KREMEN1: variants seen among roughly 807,000 people sequenced by gnomAD.
KREMEN1 encodes kremen protein 1.
In KREMEN1, 30 loss-of-function variants were observed where a neutral mutation model predicts 46.5. The ratio of observed to expected loss-of-function variants is 0.65; its 90% confidence interval spans 0.48 to 0.88. KREMEN1 has a LOEUF of 0.88. Among genes scored for constraint, KREMEN1 ranks in the 40% least tolerant of loss-of-function variants. The pLI, the probability that KREMEN1 is intolerant of heterozygous loss-of-function variation, is 0.00. For synonymous variants in KREMEN1, 214 were observed against 230.6 expected, an observed-to-expected ratio of 0.93 and a Z score of 0.65; for missense variants, 533 against 596.9, an observed-to-expected ratio of 0.89 and a Z score of 1.11.
At chr22:29,165,447 A>G (rs1279355817) in intron 9 of KREMEN1, among the ~76,000 whole-genome samples, 3 of 151,966 alleles carry the variant, frequency 2.0e-5, no homozygotes, top group African/African-American at 4.8e-5. Context: ...CATTTTCACA[A>G]CATCCAATTG....
chr22:29,137,557 C>T lies in KREMEN1; in HGVS notation c.847C>T (p.Arg283Cys), dbSNP rs764867793. ...LDGYTHRVLA[R>C]FHGRSRPPLS... Reference sequence around the variant, plus strand: ...TGGCTACACCCACCGTGTCCTAGCCCGCTTCCACGGGAGGAGCCGCCCACC... The same window carrying T: ...TGGCTACACCCACCGTGTCCTAGCCTGCTTCCACGGGAGGAGCCGCCCACC... Residue 283 changes from arginine (R) to cysteine (C), a missense_variant, in exon 6 of 9, where the codon CGC (arginine) becomes TGC (cysteine). Arg to Cys is a radical substitution (Grantham distance 180, BLOSUM62 -3). Coordinates refer to ENST00000400335, the MANE Select transcript of KREMEN1 (RefSeq NM_001039570.3). 6.8e-6 allele frequency: 11 copies of T among 1,613,738 alleles called. No individual in the cohort carries two copies. Among genetic ancestry groups the T allele is most frequent in the African/African-American group, 2.7e-5 (2 of 74,928 alleles).
Position 29,085,386 on chromosome 22 carries a change from C to T in KREMEN1, c.98-8872C>T, listed in dbSNP as rs955457279. ...ACCAATTTCAGATATGTCACCTCAT[C>T]TGTAAACATTTTAGTATGTATCTCT... On this transcript the variant is annotated intron_variant, in intron 1 of 8. Transcript: ENST00000400335. Among the ~76,000 whole-genome samples, 3 of 152,098 alleles carry T rather than the reference C, an allele frequency of 2.0e-5. No homozygotes were observed. In the East Asian group the frequency reaches 5.8e-4, roughly 29 times the overall value.
At chr22:29,094,528 A>T (rs900434862) in intron 2 of KREMEN1, 108 bp downstream of exon 2, 1 of 856,526 alleles carries the variant, frequency 1.2e-6, no homozygotes, top group Non-Finnish European at 1.8e-6. Context: ...TGACCAACTC[A>T]AGAGACTTAT....
chr22:29,150,659 G>A (rs2145867112), downstream of KREMEN1, among the ~76,000 whole-genome samples: 1 of 152,268 alleles, frequency 6.6e-6, no homozygotes, highest in South Asian at 2.1e-4. Context: ...AGAGATTAAG[G>A]GCCCTCAAGG....
chr22:29,164,551 G>C (rs2039037275), intron 9 of KREMEN1, among the ~76,000 whole-genome samples: 1 of 152,056 alleles, frequency 6.6e-6, no homozygotes, highest in Non-Finnish European at 1.5e-5. Context: ...TTCGAGACCA[G>C]CCTGGCCAAC....
chr22:29,137,282 G>T, intron 5 of KREMEN1, 60 bp from the exon 6 acceptor site: 2 of 1,230,878 alleles, frequency 1.6e-6, no homozygotes, highest in Non-Finnish European at 2.2e-6. Context: ...CCTTGGTGTT[G>T]GAAGCGCGCC....
At chr22:29,113,700 C>T (rs2038187003) in intron 3 of KREMEN1, among the ~76,000 whole-genome samples, 1 of 152,176 alleles carries the variant, frequency 6.6e-6, no homozygotes, top group South Asian at 2.1e-4. Flanking sequence ...TAAAAGGCCA[C>T]CTGCTCCTGG....
At chr22:29,154,377 T>TC (rs1161330724) in intron 9 of KREMEN1, 2 of 152,258 alleles carry the variant, frequency 1.3e-5, no homozygotes, top group Non-Finnish European at 2.9e-5. Flanking sequence ...TTCTGCCGAC[T>TC]CCCTGCCTGC....
downstream of KREMEN1, among the ~76,000 whole-genome samples, chr22:29,147,435 T>C (rs1307662436): frequency 6.6e-6 from 1 of 152,162 alleles, no homozygotes; most frequent in Non-Finnish European, 1.5e-5. Context: ...TCGCCATGGG[T>C]ACCACTTTCC....
chr22:29,110,673 C>T (rs1214007303), intron 3 of KREMEN1, among the ~76,000 whole-genome samples: 3 of 152,016 alleles, frequency 2.0e-5, no homozygotes, highest in East Asian at 1.9e-4. Flanking sequence ...CTGTAAGACT[C>T]GGGGGCACAA....
Position 29,143,717 on chromosome 22 carries a change from G to A in KREMEN1, c.*1605G>A, listed in dbSNP as rs1183195195. ...AGATCACGCCACTGCACTCCAGCCT[G>A]GGTGACAGTGCAAGACTCTGTCTCA... On this transcript the variant is annotated 3_prime_UTR_variant, in exon 9 of 9. Coordinates refer to ENST00000400335, the MANE Select transcript of KREMEN1 (RefSeq NM_001039570.3). The A allele has an allele frequency of 1.0e-6, 1 of 965,936 alleles. No homozygotes were observed. Among genetic ancestry groups the A allele is most frequent in the Non-Finnish European group, 1.2e-6 (1 of 812,658 alleles). 59.8% of individuals were successfully genotyped at this position (965,936 alleles called of 1,614,324 possible). A position where few individuals can be genotyped will look rare whatever the true frequency, so the allele number is the denominator to read the frequency against.
Position 29,120,449 on chromosome 22 carries a change from CAG to C in KREMEN1, c.353-907_353-906del, listed in dbSNP as rs751950995. On this transcript the variant is annotated intron_variant, in intron 3 of 8. Transcript: ENST00000400335. The stretch of plus-strand genomic sequence containing the variant: ...GAGGAGGGAGAGGTGATGATGGAAA[CAG>C]GGAGGAGGGAGACGTGATGATGGAA... 8.3e-3 allele frequency among the ~76,000 whole-genome samples: 376 copies of C among 45,036 alleles called. 1 individual carries two copies. The highest frequency in any genetic ancestry group is 0.015 in the East Asian group (23 of 1,530). 29.5% of individuals were successfully genotyped at this position (45,036 alleles called of 152,430 possible).
chr22:29,114,486 CAAAAAAAAAAA>C (rs134685), intron 3 of KREMEN1, among the ~76,000 whole-genome samples: 1 of 88,078 alleles, frequency 1.1e-5, no homozygotes, highest in African/African-American at 4.9e-5. Flanking sequence ...AACTCCGTGT[CAAAAAAAAAAA>C]AAAAAAAAAG....
intron 1 of KREMEN1, among the ~76,000 whole-genome samples, chr22:29,081,878 T>C (rs559144459): frequency 1.3e-5 from 2 of 152,342 alleles, no homozygotes; most frequent in South Asian, 2.1e-4. Context: ...TCTAGAGATA[T>C]ATGGTCTACC....
At chr22:29,094,572 TACACACACACACACACACAC>T (rs134658) in intron 2 of KREMEN1, 152 bp downstream of exon 2, 12 of 255,782 alleles carry the variant, frequency 4.7e-5, no homozygotes, top group Admixed American at 2.9e-4. Context: ...TTTCACACCT[TACACACACACACACACACAC>T]ACACACACAC....
At chr22:29,095,876 A>AC (rs1002533258) in intron 2 of KREMEN1, among the ~76,000 whole-genome samples, 1 of 150,672 alleles carries the variant, frequency 6.6e-6, no homozygotes, top group Non-Finnish European at 1.5e-5. Context: ...CTTATTCTTA[A>AC]AAAAAAAAAC....
intron 4 of KREMEN1, among the ~76,000 whole-genome samples, chr22:29,123,328 A>G (rs912142008): frequency 2.0e-5 from 3 of 151,766 alleles, no homozygotes; most frequent in African/African-American, 2.4e-5. Context: ...AAGGACTTGT[A>G]TCCATAATGT....
downstream of KREMEN1, among the ~76,000 whole-genome samples, chr22:29,149,511 G>C (rs190433155): frequency 1.6e-4 from 25 of 152,188 alleles, 2 homozygotes; most frequent in African/African-American, 4.6e-4. Flanking sequence ...ATCTTCACTG[G>C]GCTTTCCTTC....
chr22:29,151,782 G>A (rs2038916942), downstream of KREMEN1, among the ~76,000 whole-genome samples: 1 of 152,112 alleles, frequency 6.6e-6, no homozygotes. Context: ...GGCTGAGGTG[G>A]GTGGATCACT....
Sources: gnomAD v4.1 joint callset for allele counts (sites outside exome capture counted in the v4.1 genomes callset) on GRCh38, gnomAD v4.1.1 for gene constraint, MANE v1.5 for transcripts, NCBI Gene and HGNC (gene_info 2026-07-23, HGNC 2026-07-21) for gene names.